NFX1: variants seen among roughly 807,000 people sequenced by gnomAD.
NFX1 encodes the protein transcriptional repressor NF-X1.
Under a neutral mutation model 137.2 loss-of-function variants are expected in NFX1, and 69 were observed. The ratio of observed to expected loss-of-function variants is 0.50; its 90% CI spans 0.41 to 0.61. The LOEUF (loss-of-function observed/expected upper bound fraction) is 0.61. Among genes scored for constraint, NFX1 ranks in the 20% least tolerant of loss-of-function variants. The pLI is 0.00. For missense variants in NFX1, 1,167 were observed against 1,391.0 expected (o/e 0.84, Z 2.56); for synonymous variants, 495 against 474.1 (o/e 1.04, Z -0.57).
chr9:33,326,413 TAAAAAAA>T (rs368993458), intron 9 of NFX1, among the ~76,000 whole-genome samples: 2 of 88,792 alleles, frequency 2.3e-5, no homozygotes, highest in Non-Finnish European at 4.5e-5. Flanking sequence ...CCTCTGTCTT[TAAAAAAA>T]AAAAAAAAAA....
At chr9:33,349,288 C>T (rs909202589) in intron 15 of NFX1, among the ~76,000 whole-genome samples, 4 of 152,162 alleles carry the variant, frequency 2.6e-5, no homozygotes, top group South Asian at 2.1e-4. Context: ...AGCAGTAATG[C>T]GGGAAATACA....
intron 10 of NFX1, among the ~76,000 whole-genome samples, chr9:33,331,869 A>G (rs1478236151): frequency 2.0e-5 from 3 of 152,132 alleles, no homozygotes; most frequent in Non-Finnish European, 4.4e-5. Context: ...CCCACACACC[A>G]TCATCACTAC....
At chr9:33,367,492 C>G in intron 22 of NFX1, 23 bp from the exon 23 acceptor site, 1 of 1,609,358 alleles carries the variant, frequency 6.2e-7, no homozygotes, top group Non-Finnish European at 8.5e-7. Context: ...CTTTTCAATG[C>G]TTGGTGTTTT....
intron 9 of NFX1, among the ~76,000 whole-genome samples, chr9:33,327,831 C>T (rs1822652702): frequency 6.6e-6 from 1 of 152,138 alleles, no homozygotes; most frequent in South Asian, 2.1e-4. Context: ...CAGGCACCAC[C>T]AGACATTCAC....
At position 33,313,767 on chromosome 9, in the gene NFX1, A is replaced by G; in HGVS notation, c.1562A>G (p.Gln521Arg). The G allele has an allele frequency of 6.2e-7, 1 of 1,614,146 alleles. No individual in the cohort carries two copies. Among genetic ancestry groups the G allele is most frequent in the Middle Eastern group, 1.7e-4 (1 of 6,048 alleles). Residue 521 changes from glutamine (Q) to arginine (R), a missense_variant, in exon 7 of 24, where the codon CAG becomes CGG. Around this residue, in one of 3 missense-constraint regions of NFX1, gnomAD observed 488 missense variants for 691.5 expected, o/e 0.71. Transcript: ENST00000379540. ...CAELCHGGQC[Q>R]PCQIILNQVC... ...GAGCTGTGCCATGGGGGTCAGTGCCAGCCTTGCCAGATCATTTTGAACCAG... is the reference window on the plus strand; with the variant it reads ...GAGCTGTGCCATGGGGGTCAGTGCCGGCCTTGCCAGATCATTTTGAACCAG...
chr9:33,317,973 C>CAAAAAA lies in NFX1; in HGVS notation c.1589-735_1589-730dup, dbSNP rs5897542. On this transcript the variant is annotated intron_variant, in intron 7 of 23. Transcript: ENST00000379540. Reference sequence around the variant, plus strand: ...CCTGGGCAAGAGTGAGACTCTGTCTCAAAAAAAAAAAAAAAAAAAAAAAAA... The same window carrying CAAAAAA: ...CCTGGGCAAGAGTGAGACTCTGTCTCAAAAAAAAAAAAAAAAAAAAAAAAAAAAAAA... Among the ~76,000 whole-genome samples the CAAAAAA allele has an allele frequency of 2.7e-3, 119 of 44,392 alleles. 22 individuals are homozygous for CAAAAAA. Among genetic ancestry groups the CAAAAAA allele is most frequent in the Middle Eastern group, 0.022 (1 of 46 alleles). The allele number at this position is 44,392 out of a possible 152,430, so 29.1% of individuals were successfully genotyped here. A position where few individuals can be genotyped will look rare whatever the true frequency, so the allele number is the denominator to read the frequency against.
intron 2 of NFX1, 67 bp from the exon 3 acceptor site, chr9:33,301,196 T>A: frequency 7.2e-7 from 1 of 1,396,360 alleles, no homozygotes; most frequent in Non-Finnish European, 1.0e-6. Flanking sequence ...GATCCTTGGT[T>A]GATTAAAGTG....
intron 11 of NFX1, among the ~76,000 whole-genome samples, chr9:33,335,877 T>A (rs1236026961): frequency 6.6e-6 from 1 of 152,242 alleles, no homozygotes; most frequent in Admixed American, 6.5e-5. Context: ...AGCACTTCAT[T>A]CCTTTTTATG....
chr9:33,324,274 A>T (rs1822496795), intron 9 of NFX1, among the ~76,000 whole-genome samples: 1 of 151,996 alleles, frequency 6.6e-6, no homozygotes, highest in Non-Finnish European at 1.5e-5. Flanking sequence ...GGCTATTTGG[A>T]AGGCTAAGGC....
Position 33,338,584 on chromosome 9 carries a change from T to C in NFX1, c.2110T>C (p.Cys704Arg). The change falls in exon 12 of 24, where the codon TGT becomes CGT. Residue 704 changes from cysteine to arginine, a missense_variant. This residue lies in a region of NFX1 where 488 missense variants were observed against 691.5 expected (regional missense o/e 0.71). Transcript: ENST00000379540. ...CGRHKCNEIC[C>R]VDKEHKCPLI... is the part of the protein sequence containing the mutation. Reference sequence around the variant, plus strand: ...ACGGCATAAATGTAATGAGATATGCTGTGTGGTAAGTGGACTTATTAGGCA... The same window carrying C: ...ACGGCATAAATGTAATGAGATATGCCGTGTGGTAAGTGGACTTATTAGGCA... 3.1e-6 allele frequency: 5 copies of C among 1,592,668 alleles called. No homozygotes were observed. The highest frequency in any genetic ancestry group is 3.4e-6 in the Non-Finnish European group (4 of 1,173,344).
Position 33,370,133 on chromosome 9 carries a change from T to A in NFX1, c.*155T>A. ...ATCCAAAGCATGAGTGTGTCAGAAA[T>A]CCCTTGTCTATTCCTGTCTGTATAA... is the stretch of plus-strand genomic sequence containing the variant. On this transcript the variant is annotated 3_prime_UTR_variant, in exon 24 of 24. Transcript: ENST00000379540. 1 of 603,040 alleles carries A rather than the reference T, an allele frequency of 1.7e-6. No individual in the cohort carries two copies. The highest frequency in any genetic ancestry group is 2.2e-5 in the South Asian group (1 of 46,000). The allele number at this position is 603,040 out of a possible 1,614,324, so 37.4% of individuals were successfully genotyped here. A position where few individuals can be genotyped will look rare whatever the true frequency, so the allele number is the denominator to read the frequency against.
At chr9:33,307,352 T>C (rs1193433962) in intron 5 of NFX1, 53 bp downstream of exon 5, 4 of 1,471,942 alleles carry the variant, frequency 2.7e-6, no homozygotes, top group African/African-American at 1.4e-5. Context: ...GCTTTGCTGG[T>C]GGCTCTAAGT....
chr9:33,327,648 A>G (rs1822645220), intron 9 of NFX1, among the ~76,000 whole-genome samples: 1 of 152,216 alleles, frequency 6.6e-6, no homozygotes, highest in Non-Finnish European at 1.5e-5. Context: ...TACAGGCGTG[A>G]GCCACCGCAC....
In NFX1 at chr9:33,313,640, T is replaced by C. The variant is rs762194419; in HGVS notation, c.1449-14T>C. Reference sequence around the variant, plus strand: ...TTTACACTGATGCTGTCTTTACATCTATTGTCTTTACAGGCACACAGTTCG... The same window carrying C: ...TTTACACTGATGCTGTCTTTACATCCATTGTCTTTACAGGCACACAGTTCG... On this transcript the variant is annotated splice_polypyrimidine_tract_variant and intron_variant, in intron 6 of 23. Coordinates refer to ENST00000379540, the MANE Select transcript of NFX1 (RefSeq NM_002504.6). 1 of 1,613,634 alleles carries C rather than the reference T, an allele frequency of 6.2e-7. No individual in the cohort carries two copies. Among genetic ancestry groups the C allele is most frequent in the Non-Finnish European group, 8.5e-7 (1 of 1,179,580 alleles).
At chr9:33,330,418 A>G (rs138778215) in intron 10 of NFX1, among the ~76,000 whole-genome samples, 36 of 152,374 alleles carry the variant, frequency 2.4e-4, no homozygotes, top group African/African-American at 7.7e-4. Flanking sequence ...AAAGTTGTGT[A>G]ATCATATATG....
At position 33,294,961 on chromosome 9, in the gene NFX1, A is replaced by G. The variant is rs757488500; in HGVS notation, c.567A>G (p.Lys189=). 2.5e-6 allele frequency: 4 copies of G among 1,614,150 alleles called. No homozygotes were observed. Among genetic ancestry groups the G allele is most frequent in the East Asian group, 4.5e-5 (2 of 44,886 alleles). Residue 189 remains lysine (K), a synonymous_variant, in exon 2 of 24, where the codon AAA becomes AAG. Coordinates refer to ENST00000379540, the MANE Select transcript of NFX1 (RefSeq NM_002504.6). The part of the protein sequence containing the change: ...GRGPKVKGKL[K]CEWSNRTTPK... ...GACCAAAAGTCAAGGGGAAACTCAA[A>G]TGTGAATGGAGTAACCGAACAACTC...
At chr9:33,362,932 A>C (rs933616854) in intron 19 of NFX1, among the ~76,000 whole-genome samples, 1 of 151,720 alleles carries the variant, frequency 6.6e-6, no homozygotes, top group Non-Finnish European at 1.5e-5. Context: ...TCGAGCTCCC[A>C]GCTTCAGGTG....
intron 11 of NFX1, among the ~76,000 whole-genome samples, chr9:33,335,298 T>C (rs1587852602): frequency 1.3e-5 from 2 of 148,154 alleles, no homozygotes; most frequent in African/African-American, 5.1e-5. Context: ...TGGCGCAATC[T>C]CAGCTTACTG....
At chr9:33,352,340 A>G (rs1489006945) in intron 16 of NFX1, 5 of 498,652 alleles carry the variant, frequency 1.0e-5, no homozygotes, top group Non-Finnish European at 1.9e-5. Flanking sequence ...TGGCTAGGCC[A>G]CAGTTGGGCC....
Sources: allele counts gnomAD v4.1 joint callset (sites outside exome capture counted in the v4.1 genomes callset), GRCh38; gene constraint gnomAD v4.1.1; regional missense constraint gnomAD v4.1.1; transcripts MANE v1.5; gene names NCBI Gene and HGNC (gene_info 2026-07-23, HGNC 2026-07-21).